The following SLC12A2 variants were observed in gnomAD, a reference collection of about 807,000 sequenced individuals.
SLC12A2 encodes Na-K-2Cl cotransporter 1.
A neutral mutation model predicts 136.3 loss-of-function variants in SLC12A2; 67 were observed. That is an observed-to-expected ratio of 0.49 (90% CI 0.40 to 0.60). SLC12A2 has a LOEUF of 0.60. Among genes scored for constraint, SLC12A2 ranks in the 20% least tolerant of loss-of-function variants. The pLI, the probability that SLC12A2 is intolerant of heterozygous loss-of-function variation, is 0.00. For synonymous variants in SLC12A2, 619 were observed against 562.9 expected, an observed-to-expected ratio of 1.10 and a Z score of -1.41; for missense variants, 1,322 against 1,534.7, an observed-to-expected ratio of 0.86 and a Z score of 2.32.
intron 18 of SLC12A2, chr5:128,170,704 A>T (rs1015544901): frequency 3.3e-5 from 5 of 152,310 alleles, no homozygotes; most frequent in South Asian, 4.1e-4. Context: ...ACTTGGGTTA[A>T]AATGAAGATT....
Position 128,138,665 on chromosome 5 carries a change from A to G in SLC12A2, c.1477A>G (p.Ile493Val). 1.2e-6 allele frequency: 2 copies of G among 1,613,778 alleles called. No individual in the cohort carries two copies. Among genetic ancestry groups the G allele is most frequent in the Non-Finnish European group, 1.7e-6 (2 of 1,179,828 alleles). Reference protein sequence around the residue: ...EEETFFSVFAIFFPAATGILA... With the variant: ...EEETFFSVFAVFFPAATGILA... Reference sequence around the variant, plus strand: ...AGAGACTTTCTTTTCTGTATTTGCCATCTTTTTTCCTGCTGCAACTGGTAT... The same window carrying G: ...AGAGACTTTCTTTTCTGTATTTGCCGTCTTTTTTCCTGCTGCAACTGGTAT... The change falls in exon 8 of 27, where the codon ATC becomes GTC. Residue 493 changes from isoleucine to valine, a missense_variant. Ile to Val is a conservative substitution (Grantham distance 29). Coordinates refer to ENST00000262461, the MANE Select transcript of SLC12A2 (RefSeq NM_001046.3).
chr5:128,109,332 G>GTGCCTGCCCTGCA (rs756658208), intron 1 of SLC12A2, among the ~76,000 whole-genome samples: 11 of 152,228 alleles, frequency 7.2e-5, no homozygotes, highest in African/African-American at 1.9e-4. Flanking sequence ...GGAAACCCAC[G>GTGCCTGCCCTGCA]TGCCTGCCCT....
In SLC12A2 at chr5:128,084,716, C is replaced by A; in HGVS notation, c.756+6C>A. 1.3e-6 allele frequency: 2 copies of A among 1,569,866 alleles called. No homozygotes were observed. Among genetic ancestry groups the A allele is most frequent in the East Asian group, 2.3e-5 (1 of 42,994 alleles). ...TCCACGACGAGCTGGAAAAGGTGAG[C>A]TCGCCCAGCCCTCCCTTCTTCCCCA... On this transcript the variant is annotated splice_donor_region_variant and intron_variant, in intron 1 of 26. Coordinates refer to ENST00000262461, the MANE Select transcript of SLC12A2 (RefSeq NM_001046.3). This position sits in a 1 kb window ranked among gnomAD's most constrained non-coding sequence, Gnocchi z 5.6.
intron 10 of SLC12A2, among the ~76,000 whole-genome samples, chr5:128,146,559 T>C (rs1762531651): frequency 6.6e-6 from 1 of 151,370 alleles, no homozygotes; most frequent in Admixed American, 6.6e-5. Flanking sequence ...TTTTAAGTCT[T>C]CTAAGAGGAA....
At position 128,084,188 on chromosome 5, in the gene SLC12A2, G is replaced by T; in HGVS notation, c.234G>T (p.Gln78His). The change falls in exon 1 of 27, where the codon CAG becomes CAT. Residue 78 changes from glutamine to histidine, a missense_variant. Gln to His is a conservative substitution (Grantham distance 24, BLOSUM62 0). Coordinates refer to ENST00000262461, the MANE Select transcript of SLC12A2 (RefSeq NM_001046.3). The surrounding 1 kb of genome is among the most constrained non-coding windows in gnomAD (Gnocchi z 5.6). Reference protein sequence around the residue: ...LGRPLGPTPSQSRFQVDLVSE... With the variant: ...LGRPLGPTPSHSRFQVDLVSE... Reference sequence around the variant, plus strand: ...GACCCTTGGGGCCCACCCCGAGCCAGAGCCGTTTCCAGGTGGACCTGGTTT... The same window carrying T: ...GACCCTTGGGGCCCACCCCGAGCCATAGCCGTTTCCAGGTGGACCTGGTTT... 1 of 1,293,054 alleles carries T rather than the reference G, an allele frequency of 7.7e-7. No individual in the cohort carries two copies. Among genetic ancestry groups the T allele is most frequent in the Non-Finnish European group, 9.7e-7 (1 of 1,029,204 alleles). 80.1% of individuals were successfully genotyped at this position (1,293,054 alleles called of 1,614,324 possible).
intron 1 of SLC12A2, among the ~76,000 whole-genome samples, chr5:128,102,623 T>TTTTC (rs1760786829): frequency 9.2e-6 from 1 of 108,520 alleles, no homozygotes; most frequent in East Asian, 3.3e-4. Context: ...TTTTTTTTTT[T>TTTTC]TTTTCTTTTG....
chr5:128,116,749 C>T (rs941086069), intron 4 of SLC12A2, among the ~76,000 whole-genome samples: 5 of 152,108 alleles, frequency 3.3e-5, no homozygotes, highest in Non-Finnish European at 7.4e-5. Flanking sequence ...TCATTTTTCA[C>T]TTAGTGACTT....
At chr5:128,165,801 C>T (rs1249585730) in intron 17 of SLC12A2, among the ~76,000 whole-genome samples, 4 of 151,238 alleles carry the variant, frequency 2.6e-5, no homozygotes, top group African/African-American at 9.7e-5. Context: ...AGGATTGTAA[C>T]AAATTTCTGT....
chr5:128,093,971 A>ACT (rs1760430532), intron 1 of SLC12A2, among the ~76,000 whole-genome samples: 1 of 151,594 alleles, frequency 6.6e-6, no homozygotes, highest in Non-Finnish European at 1.5e-5. Context: ...TGTACATGGT[A>ACT]CTCTCCATGG....
chr5:128,149,585 A>G (rs1207525451), intron 12 of SLC12A2, among the ~76,000 whole-genome samples: 1 of 151,876 alleles, frequency 6.6e-6, no homozygotes, highest in Non-Finnish European at 1.5e-5. Context: ...AAAGGAATAA[A>G]CTTGGTTTTC....
rs545870886 is a variant in SLC12A2, at chr5:128,145,523, G to A, written c.1774-2099G>A. 3.9e-5 allele frequency among the ~76,000 whole-genome samples: 6 copies of A among 152,174 alleles called. 1 individual carries two copies. In the South Asian group the frequency reaches 1.2e-3, roughly 32 times the overall value. On this transcript the variant is annotated intron_variant, in intron 10 of 26. Coordinates refer to ENST00000262461, the MANE Select transcript of SLC12A2 (RefSeq NM_001046.3). The stretch of plus-strand genomic sequence containing the variant: ...ATGAAAAATAGTGATTATGAAAAAT[G>A]CACAGCATATATGTAACTACTAAAT...
intron 17 of SLC12A2, among the ~76,000 whole-genome samples, chr5:128,166,769 TATTGA>T (rs1581129643): frequency 6.6e-6 from 1 of 152,114 alleles, no homozygotes; most frequent in Non-Finnish European, 1.5e-5. Context: ...TAATTAATAC[TATTGA>T]ATTGTACACT....
chr5:128,117,160 AT>A (rs1212465844), intron 4 of SLC12A2, among the ~76,000 whole-genome samples: 2 of 152,182 alleles, frequency 1.3e-5, no homozygotes, highest in Non-Finnish European at 2.9e-5. Context: ...GAAAAAATTG[AT>A]TCCTTATCTG....
intron 1 of SLC12A2, chr5:128,110,124 A>G: frequency 1.1e-6 from 1 of 921,288 alleles, no homozygotes. Flanking sequence ...TAGAATTTTC[A>G]TGGATGTCAT....
At chr5:128,126,964 A>AATTTTTT (rs1554105182) in intron 4 of SLC12A2, among the ~76,000 whole-genome samples, 2 of 21,684 alleles carry the variant, frequency 9.2e-5, no homozygotes, top group African/African-American at 6.3e-4. Flanking sequence ...ATATATATAT[A>AATTTTTT]TATTTTTTTT....
intron 17 of SLC12A2, among the ~76,000 whole-genome samples, chr5:128,165,957 A>C (rs575324692): frequency 1.5e-5 from 2 of 131,700 alleles, no homozygotes; most frequent in East Asian, 5.3e-4. Context: ...CTGTGTGGTT[A>C]AGATAGTTTT....
At chr5:128,112,715 C>G in intron 1 of SLC12A2, 99 bp from the exon 2 acceptor site, 1 of 873,068 alleles carries the variant, frequency 1.1e-6, no homozygotes, top group Non-Finnish European at 1.7e-6. Context: ...GTACTATGCC[C>G]TCTTAAATAT....
intron 24 of SLC12A2, among the ~76,000 whole-genome samples, chr5:128,183,172 A>G (rs1763760865): frequency 6.6e-6 from 1 of 152,118 alleles, no homozygotes; most frequent in African/African-American, 2.4e-5. Context: ...TGATTTCTGA[A>G]AGGTGGTTCA....
chr5:128,088,041 C>G (rs376504128), intron 1 of SLC12A2, among the ~76,000 whole-genome samples: 180 of 47,402 alleles, frequency 3.8e-3, no homozygotes, highest in South Asian at 8.1e-3. Flanking sequence ...GTGTGTGTGT[C>G]TGTATATAAA....
Sources: allele counts gnomAD v4.1 joint callset (sites outside exome capture counted in the v4.1 genomes callset), GRCh38; gene constraint gnomAD v4.1.1; non-coding constraint Gnocchi (gnomAD v3.1); transcripts MANE v1.5; gene names NCBI Gene and HGNC (gene_info 2026-07-23, HGNC 2026-07-21).